The following ATG13 variants were observed in gnomAD, a reference collection of about 807,000 sequenced individuals.
ATG13 encodes the protein autophagy-related protein 13.
Under a neutral mutation model 65.5 loss-of-function variants are expected in ATG13, and 23 were observed. That is an observed-to-expected ratio of 0.35 (90% CI 0.25 to 0.50). The LOEUF (loss-of-function observed/expected upper bound fraction) is 0.50. Ranked by LOEUF, ATG13 falls within the 20% of genes least tolerant of loss-of-function variation. The probability of loss-of-function intolerance (pLI) is 0.98; values close to 1 mark genes in which losing one functional copy is unlikely to be tolerated. For missense variants in ATG13, 566 were observed against 677.0 expected (o/e 0.84, Z 1.82); for synonymous variants, 252 against 245.2 (o/e 1.03, Z -0.26).
chr11:46,623,361 T>C (rs1399105021), intron 1 of ATG13, among the ~76,000 whole-genome samples: 1 of 152,208 alleles, frequency 6.6e-6, no homozygotes, highest in African/African-American at 2.4e-5. Flanking sequence ...AAGACATTTA[T>C]GCTGGGTGAA....
rs1405003805 is a variant in ATG13 at position 46,668,847 on chromosome 11, C to T, written c.1383C>T (p.His461=). ...ETESPLQGSL[H]SDGSSGGSSG... is the part of the protein sequence containing the mutation. Reference sequence around the variant, plus strand: ...AATCTCCTCTCCAGGGCAGCCTGCACTCAGATGGCTCCAGCGGGGGCAGCA... The same window carrying T: ...AATCTCCTCTCCAGGGCAGCCTGCATTCAGATGGCTCCAGCGGGGGCAGCA... The change falls in exon 17 of 19, where the codon CAC becomes CAT. Residue 461 remains histidine, a synonymous_variant. Coordinates refer to ENST00000683050, the MANE Select transcript of ATG13 (RefSeq NM_001346311.2). 9 of 1,614,048 alleles carry T rather than the reference C, an allele frequency of 5.6e-6. No individual in the cohort carries two copies. The highest frequency in any genetic ancestry group is 4.5e-5 in the East Asian group (2 of 44,886).
intron 7 of ATG13, among the ~76,000 whole-genome samples, chr11:46,650,893 G>A (rs1050719279): frequency 2.0e-5 from 3 of 152,120 alleles, no homozygotes; most frequent in Non-Finnish European, 2.9e-5. Flanking sequence ...TGTGAGCCAC[G>A]GCACCCGGCC....
chr11:46,656,119 T>C (rs957623758), intron 7 of ATG13, 114 bp from the exon 8 acceptor site: 2 of 848,784 alleles, frequency 2.4e-6, no homozygotes, highest in African/African-American at 3.4e-5. Context: ...AGCAGAGGTA[T>C]TTGAGCAGAT....
At chr11:46,653,180 C>CTTTTTTT (rs1226638713) in intron 7 of ATG13, among the ~76,000 whole-genome samples, 3 of 132,680 alleles carry the variant, frequency 2.3e-5, no homozygotes, top group African/African-American at 5.7e-5. Context: ...CATTTCTTTT[C>CTTTTTTT]TTTTTTTTTT....
At position 46,667,797 on chromosome 11, in the gene ATG13, C is replaced by T; in HGVS notation, c.1161C>T (p.Asn387=). ...SSSEDTETVS[N]SSEGRASPHD... ...GTGAGGATACTGAAACCGTATCAAA[C>T]AGCAGTGAGGGACGGGCCTCCCCTC... is the stretch of plus-strand genomic sequence containing the variant. Residue 387 remains asparagine (N), a synonymous_variant, in exon 15 of 19, where the codon AAC becomes AAT. Coordinates refer to ENST00000683050, the MANE Select transcript of ATG13 (RefSeq NM_001346311.2). The T allele has an allele frequency of 1.2e-6, 2 of 1,610,142 alleles. No individual in the cohort carries two copies. The highest frequency in any genetic ancestry group is 1.3e-5 in the African/African-American group (1 of 74,988).
intron 2 of ATG13, among the ~76,000 whole-genome samples, chr11:46,639,853 AT>A (rs377458204): frequency 0.18 from 22,948 of 126,878 alleles, 1,264 homozygotes; most frequent in African/African-American, 0.24. Context: ...TGCTTATGCA[AT>A]TTTTTTTTTT....
chr11:46,633,003 A>AAAAAAT (rs1261200980), intron 2 of ATG13, among the ~76,000 whole-genome samples: 3 of 89,148 alleles, frequency 3.4e-5, no homozygotes, highest in Admixed American at 1.2e-4. Flanking sequence ...ATTAAAAAAA[A>AAAAAAT]ATATATATAT....
intron 11 of ATG13, among the ~76,000 whole-genome samples, 198 bp from the exon 12 acceptor site, chr11:46,663,799 A>G (rs1203441183): frequency 1.3e-5 from 2 of 152,138 alleles, no homozygotes; most frequent in African/African-American, 4.8e-5. Context: ...TGAAATAAAC[A>G]TCACTCTAGG....
Position 46,659,495 on chromosome 11 carries a change from A to T in ATG13, c.789+10A>T, listed in dbSNP as rs2060712227. ...CTCCCCACCATCCCAGGTAGGGGGA[A>T]GCAGGTTCTGGGGTGGTGGTAGTTA... On this transcript the variant is annotated intron_variant, in intron 11 of 18. Coordinates refer to ENST00000683050, the MANE Select transcript of ATG13 (RefSeq NM_001346311.2). 1 of 1,605,398 alleles carries T rather than the reference A, an allele frequency of 6.2e-7. No individual in the cohort carries two copies. The highest frequency in any genetic ancestry group is 1.1e-5 in the South Asian group (1 of 90,906).
At chr11:46,647,527 G>T (rs1228098106) in intron 5 of ATG13, among the ~76,000 whole-genome samples, 7 of 151,720 alleles carry the variant, frequency 4.6e-5, no homozygotes, top group African/African-American at 1.7e-4. Flanking sequence ...ATCCACCTGC[G>T]TGGGCCTCCC....
chr11:46,651,567 G>A (rs748860007), intron 7 of ATG13, among the ~76,000 whole-genome samples: 1 of 152,160 alleles, frequency 6.6e-6, no homozygotes, highest in Non-Finnish European at 1.5e-5. Flanking sequence ...TTTGTATTTA[G>A]TGATAAGCCA....
At chr11:46,622,547 A>G (rs1420887918) in intron 1 of ATG13, among the ~76,000 whole-genome samples, 3 of 152,230 alleles carry the variant, frequency 2.0e-5, no homozygotes, top group African/African-American at 4.8e-5. Flanking sequence ...TAAAGCAAGA[A>G]CAAACTACTG....
chr11:46,617,677 A>G lies in ATG13; in HGVS notation c.-283A>G, dbSNP rs1487034535. ...GGGAAGCACTGAAGAGCGCCAGTCGACGTGGGTGCGACAACTCGCGGAGTC... is the reference window on the plus strand; with the variant it reads ...GGGAAGCACTGAAGAGCGCCAGTCGGCGTGGGTGCGACAACTCGCGGAGTC... On this transcript the variant is annotated 5_prime_UTR_variant, in exon 1 of 19. Coordinates refer to ENST00000683050, the MANE Select transcript of ATG13 (RefSeq NM_001346311.2). The G allele has an allele frequency of 5.1e-6, 2 of 393,334 alleles. No individual in the cohort carries two copies. Among genetic ancestry groups the G allele is most frequent in the Admixed American group, 8.9e-5 (2 of 22,518 alleles). 24.4% of individuals were successfully genotyped at this position (393,334 alleles called of 1,614,324 possible).
intron 2 of ATG13, among the ~76,000 whole-genome samples, chr11:46,632,625 T>C (rs560239212): frequency 3.3e-5 from 5 of 152,210 alleles, no homozygotes; most frequent in Admixed American, 2.6e-4. Flanking sequence ...CAGTAAGTAG[T>C]CTACAAAGTC....
intron 1 of ATG13, among the ~76,000 whole-genome samples, chr11:46,623,376 T>G (rs1034454053): frequency 2.0e-5 from 3 of 152,140 alleles, no homozygotes; most frequent in Admixed American, 6.5e-5. Context: ...GGTGAAAGTT[T>G]TTCTCCACTC....
chr11:46,645,384 A>C lies in ATG13; in HGVS notation c.115A>C (p.Thr39Pro), dbSNP rs1194283385. ...GGCTCGGCTTGGTGAAAAGATTTGCACTCGTTCATCATCTTCTCCAACGGG... is the reference window on the plus strand; with the variant it reads ...GGCTCGGCTTGGTGAAAAGATTTGCCCTCGTTCATCATCTTCTCCAACGGG... ...VQARLGEKICTRSSSSPTGSD... is the reference protein window; with the variant it reads ...VQARLGEKICPRSSSSPTGSD... Residue 39 changes from threonine to proline, a missense_variant, in exon 4 of 19, where the codon ACT becomes CCT. By Grantham distance (38) the Thr-to-Pro change is conservative. Transcript: ENST00000683050. 1 of 1,612,870 alleles carries C rather than the reference A, an allele frequency of 6.2e-7. No individual in the cohort carries two copies. The highest frequency in any genetic ancestry group is 8.5e-7 in the Non-Finnish European group (1 of 1,179,766).
At chr11:46,645,799 A>G in intron 4 of ATG13, 71 bp from the exon 5 acceptor site, 2 of 1,590,990 alleles carry the variant, frequency 1.3e-6, no homozygotes, top group Non-Finnish European at 1.7e-6. Flanking sequence ...TGCATTACCC[A>G]GCATACACTA....
chr11:46,648,071 C>T (rs961464529), intron 5 of ATG13, among the ~76,000 whole-genome samples: 5 of 151,966 alleles, frequency 3.3e-5, no homozygotes, highest in Non-Finnish European at 7.4e-5. Flanking sequence ...TCAATCCCAG[C>T]TGAGTGACTT....
At chr11:46,626,784 A>C (rs1408281388) in intron 1 of ATG13, among the ~76,000 whole-genome samples, 1 of 152,188 alleles carries the variant, frequency 6.6e-6, no homozygotes, top group African/African-American at 2.4e-5. Flanking sequence ...TAAGTCTGCT[A>C]TTCTTACATT....
Sources: allele counts gnomAD v4.1 joint callset (sites outside exome capture counted in the v4.1 genomes callset), GRCh38; gene constraint gnomAD v4.1.1; transcripts MANE v1.5; gene names NCBI Gene and HGNC (gene_info 2026-07-23, HGNC 2026-07-21).